Variants in KLRG1 observed in about 807,000 individuals in gnomAD.
The protein encoded by KLRG1 is killer cell lectin like receptor G1.
Under a neutral mutation model 21.8 loss-of-function variants are expected in KLRG1, and 16 were observed. That is an observed-to-expected ratio of 0.73 (90% CI 0.50 to 1.11). The LOEUF (loss-of-function observed/expected upper bound fraction) is 1.11, where lower values mean the gene tolerates loss of function less well. Ranked by LOEUF, KLRG1 falls within the 50% of genes most tolerant of loss-of-function variation. The pLI is 0.00. For missense variants in KLRG1, 173 were observed against 218.3 expected (o/e 0.79, Z 1.31); for synonymous variants, 69 against 75.9 (o/e 0.91, Z 0.47).
the KLRG1 span, among the ~76,000 whole-genome samples, chr12:9,211,822 G>C: frequency 6.6e-6 from 1 of 152,216 alleles, no homozygotes; most frequent in Admixed American, 6.5e-5. Context: ...TCAACTGGAG[G>C]TAGAGCCAGG....
the KLRG1 span, among the ~76,000 whole-genome samples, chr12:9,059,994 A>ATCTT: frequency 0.12 from 12,377 of 103,578 alleles, 1,186 homozygotes; most frequent in Middle Eastern, 0.17. Flanking sequence ...CAGCCCTGGC[A>ATCTT]TCTTTTTTTT....
At chr12:9,068,923 T>C in the KLRG1 span, 4 of 1,024,366 alleles carry the variant, frequency 3.9e-6, no homozygotes, top group Non-Finnish European at 5.7e-6. Context: ...CACCTGTTTT[T>C]TGGGGGAAAA....
chr12:9,154,584 C>A, the KLRG1 span: 3 of 1,594,538 alleles, frequency 1.9e-6, no homozygotes, highest in Non-Finnish European at 1.7e-6. Context: ...CCAAGTGAAC[C>A]TGGAGCAGAA....
the KLRG1 span, among the ~76,000 whole-genome samples, chr12:9,052,073 C>T: frequency 6.6e-6 from 1 of 152,220 alleles, no homozygotes; most frequent in Admixed American, 6.5e-5. Flanking sequence ...CAACAGGAAT[C>T]TCATGTGCCT....
the KLRG1 span, chr12:9,157,624 C>T: frequency 2.6e-6 from 2 of 769,016 alleles, no homozygotes; most frequent in South Asian, 1.8e-5. Context: ...TCTCTTAATG[C>T]ATCAACCAAA....
the KLRG1 span, chr12:9,106,251 A>T: frequency 6.2e-7 from 1 of 1,610,254 alleles, no homozygotes; most frequent in East Asian, 2.2e-5. Flanking sequence ...CAAAGAAGGG[A>T]ATTCCCTGTC....
At chr12:9,145,718 T>C in the KLRG1 span, among the ~76,000 whole-genome samples, 1 of 152,186 alleles carries the variant, frequency 6.6e-6, no homozygotes, top group Non-Finnish European at 1.5e-5. Context: ...GCATTTCTGG[T>C]AAGACAAATC....
the KLRG1 span, among the ~76,000 whole-genome samples, chr12:9,019,311 C>G: frequency 6.6e-6 from 1 of 152,208 alleles, no homozygotes; most frequent in African/African-American, 2.4e-5. Flanking sequence ...CCCTCATACA[C>G]TGTTGGTTGG....
downstream of KLRG1, among the ~76,000 whole-genome samples, chr12:9,013,804 C>A (rs1370744730): frequency 2.6e-5 from 4 of 152,108 alleles, no homozygotes; most frequent in East Asian, 7.7e-4. Context: ...ATTGTGGGAG[C>A]TATAATTCAA....
At chr12:9,115,584 G>A in the KLRG1 span, 1 of 562,180 alleles carries the variant, frequency 1.8e-6, no homozygotes, top group South Asian at 2.1e-5. Context: ...TCAGAGAGTT[G>A]GGGAAGAATG....
the KLRG1 span, among the ~76,000 whole-genome samples, chr12:9,155,530 G>A: frequency 2.6e-5 from 4 of 152,058 alleles, no homozygotes; most frequent in Non-Finnish European, 4.4e-5. Flanking sequence ...TCCATACTCA[G>A]AAATAGTTTC....
the KLRG1 span, among the ~76,000 whole-genome samples, chr12:9,109,094 CT>C: frequency 6.6e-6 from 1 of 152,078 alleles, no homozygotes; most frequent in African/African-American, 2.4e-5. Flanking sequence ...AGCATAACCT[CT>C]CTAGAAACAG....
chr12:9,169,508 G>T, the KLRG1 span: 1 of 1,612,126 alleles, frequency 6.2e-7, no homozygotes. Flanking sequence ...AGAAAGGACG[G>T]GGACAGTGTC....
the KLRG1 span, chr12:9,091,196 C>T: frequency 5.0e-6 from 8 of 1,612,674 alleles, no homozygotes; most frequent in Admixed American, 1.2e-4. Context: ...GAAAGAGATC[C>T]TTACCCGGAT....
At chr12:9,184,792 G>C in the KLRG1 span, among the ~76,000 whole-genome samples, 4 of 152,178 alleles carry the variant, frequency 2.6e-5, no homozygotes. Flanking sequence ...TGCAATCCAG[G>C]AGTCCTGAAC....
At chr12:9,099,298 A>G in the KLRG1 span, 2 of 1,343,514 alleles carry the variant, frequency 1.5e-6, no homozygotes, top group Non-Finnish European at 2.1e-6. Context: ...TTTTGGCCCT[A>G]ATGTTCACAT....
chr12:9,059,078 G>A, the KLRG1 span, among the ~76,000 whole-genome samples: 1 of 152,180 alleles, frequency 6.6e-6, no homozygotes, highest in Non-Finnish European at 1.5e-5. Context: ...TTAGATACAA[G>A]ATTGAATATT....
chr12:9,095,154 T>C, the KLRG1 span: 1 of 809,208 alleles, frequency 1.2e-6, no homozygotes, highest in Non-Finnish European at 1.9e-6. Flanking sequence ...TACTTCTTTT[T>C]ATTGAATTTG....
chr12:9,184,194 C>T, the KLRG1 span, among the ~76,000 whole-genome samples: 1 of 152,236 alleles, frequency 6.6e-6, no homozygotes, highest in African/African-American at 2.4e-5. Flanking sequence ...TCCATCACCC[C>T]TACTCCTACC....
Sources: allele counts gnomAD v4.1 joint callset (sites outside exome capture counted in the v4.1 genomes callset), GRCh38; gene constraint gnomAD v4.1.1; transcripts MANE v1.5; gene names NCBI Gene and HGNC (gene_info 2026-07-23, HGNC 2026-07-21).